IYD: variants seen among roughly 807,000 people sequenced by gnomAD.
The protein encoded by IYD is iodotyrosine deiodinase 1.
Under a neutral mutation model 28.4 loss-of-function variants are expected in IYD, and 25 were observed. The ratio of observed to expected loss-of-function variants is 0.88; its 90% CI spans 0.64 to 1.23. IYD has a LOEUF of 1.23. Among genes scored for constraint, IYD ranks in the 50% most tolerant of loss-of-function variants. The pLI, the probability that IYD is intolerant of heterozygous loss-of-function variation, is 0.00. For missense variants in IYD, 352 were observed against 357.9 expected (o/e 0.98, Z 0.13); for synonymous variants, 140 against 130.8 (o/e 1.07, Z -0.48).
In IYD at chr6:150,389,532, T is replaced by A; in HGVS notation, c.359T>A (p.Ile120Asn). The A allele has an allele frequency of 6.2e-7, 1 of 1,614,020 alleles. No homozygotes were observed. Among genetic ancestry groups the A allele is most frequent in the South Asian group, 1.1e-5 (1 of 91,070 alleles). The change falls in exon 2 of 5, where the codon ATC (isoleucine) becomes AAC (asparagine). Residue 120 changes from isoleucine to asparagine, a missense_variant. Ile to Asn is a moderately radical substitution (Grantham distance 149). Transcript: ENST00000344419. ...CCAATGGAAGTCATTGATAATGTCA[T>A]CAGAACGGCAGGTTTGTAATTGCAG... ...QVPMEVIDNV[I>N]RTAGTAPSGA...
At chr6:150,389,240 T>C (rs530589266) in intron 1 of IYD, 112 bp from the exon 2 acceptor site, 37 of 736,600 alleles carry the variant, frequency 5.0e-5, no homozygotes, top group South Asian at 4.7e-4. Flanking sequence ...TTTATAGTAT[T>C]TTTTTGAGTT....
chr6:150,382,104 G>A (rs1777666572), intron 1 of IYD, among the ~76,000 whole-genome samples: 1 of 152,128 alleles, frequency 6.6e-6, no homozygotes, highest in Non-Finnish European at 1.5e-5. Flanking sequence ...TTGCAGGAAT[G>A]GCCTCTGCTG....
chr6:150,381,606 TC>T (rs1777650562), intron 1 of IYD, among the ~76,000 whole-genome samples: 1 of 152,232 alleles, frequency 6.6e-6, no homozygotes, highest in Non-Finnish European at 1.5e-5. Flanking sequence ...CATATGTCCT[TC>T]CCCAGTCACA....
intron 1 of IYD, among the ~76,000 whole-genome samples, chr6:150,382,757 GTTTAA>G (rs936735959): frequency 7.2e-5 from 11 of 152,130 alleles, no homozygotes. Context: ...TTAATTGAAT[GTTTAA>G]TTTAGTTTGT....
chr6:150,396,645 C>T (rs1274578475), intron 4 of IYD: 8 of 436,350 alleles, frequency 1.8e-5, no homozygotes, highest in South Asian at 6.9e-5. Flanking sequence ...GAGGCCAAGG[C>T]GGGCGGATCA....
At chr6:150,371,962 A>G (rs1330838243) in intron 1 of IYD, among the ~76,000 whole-genome samples, 4 of 152,210 alleles carry the variant, frequency 2.6e-5, no homozygotes, top group Non-Finnish European at 5.9e-5. Flanking sequence ...GTGGTTGGAC[A>G]TGATCTACGT....
At chr6:150,398,003 G>A in intron 4 of IYD, 52 bp from the exon 5 acceptor site, 1 of 1,540,638 alleles carries the variant, frequency 6.5e-7, no homozygotes, top group Non-Finnish European at 9.0e-7. Context: ...TAGAGGGAGA[G>A]CAGTCATTCT....
At chr6:150,386,165 G>T (rs1424614333) in intron 1 of IYD, among the ~76,000 whole-genome samples, 1 of 151,284 alleles carries the variant, frequency 6.6e-6, no homozygotes, top group Admixed American at 6.6e-5. Flanking sequence ...GTTTTATTTG[G>T]GTATTTTTTC....
At position 150,400,165 on chromosome 6, in the gene IYD, G is replaced by T. The variant is rs937469171; in HGVS notation, c.*1928G>T. ...CTCAGGGGCAGCTGCAGGGCCAGAT[G>T]GAGTTGGCCTGCAGGGAGTCAGCCT... is the stretch of plus-strand genomic sequence containing the variant. On this transcript the variant is annotated 3_prime_UTR_variant, in exon 5 of 5. Transcript: ENST00000344419. 2.6e-5 allele frequency: 4 copies of T among 152,164 alleles called. No homozygotes were observed. The highest frequency in any genetic ancestry group is 4.4e-5 in the Non-Finnish European group (3 of 68,042). 9.4% of individuals were successfully genotyped at this position (152,164 alleles called of 1,614,324 possible). A position where few individuals can be genotyped will look rare whatever the true frequency, so the allele number is the denominator to read the frequency against.
rs376409306 is a variant in IYD at position 150,398,130 on chromosome 6, G to A, written c.763G>A (p.Ala255Thr). The change falls in exon 5 of 5, where the codon GCA becomes ACA. Residue 255 changes from alanine (A) to threonine (T), a missense_variant. Coordinates refer to ENST00000344419, the MANE Select transcript of IYD (RefSeq NM_203395.3). ...ACTGAGGGTGCTCCTGGGCCGCCCC[G>A]CACATGAAAAGCTGCTGATGCTGCT... is the stretch of plus-strand genomic sequence containing the variant. ...PRLRVLLGRP[A>T]HEKLLMLLPV... is the part of the protein sequence containing the mutation. 4.7e-5 allele frequency: 76 copies of A among 1,614,140 alleles called. 1 individual carries two copies. Among genetic ancestry groups the A allele is most frequent in the South Asian group, 4.2e-4 (38 of 91,078 alleles).
intron 2 of IYD, among the ~76,000 whole-genome samples, chr6:150,392,035 A>T (rs1157682058): frequency 7.3e-6 from 1 of 136,892 alleles, no homozygotes; most frequent in African/African-American, 3.0e-5. Flanking sequence ...GTTTATCCTT[A>T]AAAAAAAAAA....
intron 1 of IYD, among the ~76,000 whole-genome samples, chr6:150,379,883 G>T (rs1202683047): frequency 1.3e-5 from 2 of 152,114 alleles, no homozygotes; most frequent in Non-Finnish European, 2.9e-5. Context: ...TATAAAGAAG[G>T]GTGTATAAGC....
At chr6:150,394,316 AATTCAGGGAC>A in intron 4 of IYD, 61 bp downstream of exon 4, 1 of 1,586,964 alleles carries the variant, frequency 6.3e-7, no homozygotes, top group Non-Finnish European at 8.7e-7. Flanking sequence ...CTGAGTTTTC[AATTCAGGGAC>A]ATTTGGAAAT....
rs1778624190 is a variant in IYD, at chr6:150,405,784, G to C, written c.*7547G>C. On this transcript the variant is annotated 3_prime_UTR_variant, in exon 5 of 5. Coordinates refer to ENST00000344419, the MANE Select transcript of IYD (RefSeq NM_203395.3). ...CAATGCAAGATGAGATTTGGGTGAAGACATAGCCAAACCATATCATCATCT... is the reference window on the plus strand; with the variant it reads ...CAATGCAAGATGAGATTTGGGTGAACACATAGCCAAACCATATCATCATCT... 6.6e-6 allele frequency: 1 copy of C among 152,204 alleles called. No homozygotes were observed. The highest frequency in any genetic ancestry group is 6.5e-5 in the Admixed American group (1 of 15,286). 9.4% of individuals were successfully genotyped at this position (152,204 alleles called of 1,614,324 possible). A position where few individuals can be genotyped will look rare whatever the true frequency, so the allele number is the denominator to read the frequency against.
In IYD at chr6:150,396,829, C is replaced by G. The variant is rs953589527; in HGVS notation, c.688-1226C>G. ...GCGGAGCTTGCAGTGAGCGGAGATC[C>G]CGCCACTGCACTCCAGCCTGGGCGA... On this transcript the variant is annotated intron_variant, in intron 4 of 4. Coordinates refer to ENST00000344419, the MANE Select transcript of IYD (RefSeq NM_203395.3). 1.9e-4 allele frequency: 32 copies of G among 165,204 alleles called. No homozygotes were observed. The East Asian group carries it at 3.4e-3, about 17-fold the overall frequency. 10.2% of individuals were successfully genotyped at this position (165,204 alleles called of 1,614,324 possible). A position where few individuals can be genotyped will look rare whatever the true frequency, so the allele number is the denominator to read the frequency against.
intron 1 of IYD, chr6:150,370,124 G>GC: frequency 2.9e-6 from 2 of 686,576 alleles, no homozygotes; most frequent in Non-Finnish European, 5.3e-6. Flanking sequence ...GGCTAATGAT[G>GC]CCCCCATCCC....
intron 1 of IYD, among the ~76,000 whole-genome samples, chr6:150,381,260 A>C (rs1582779742): frequency 6.6e-6 from 1 of 152,358 alleles, no homozygotes; most frequent in South Asian, 2.1e-4. Flanking sequence ...ACATGGCAAG[A>C]AATTCATCTC....
In IYD at chr6:150,382,928, T is replaced by C. The variant is rs149992652; in HGVS notation, c.179-6424T>C. 4.5e-3 allele frequency among the ~76,000 whole-genome samples: 692 copies of C among 152,352 alleles called. 1 individual carries two copies. The highest frequency in any genetic ancestry group is 7.0e-3 in the Non-Finnish European group (474 of 68,024). On this transcript the variant is annotated intron_variant, in intron 1 of 4. Coordinates refer to ENST00000344419, the MANE Select transcript of IYD (RefSeq NM_203395.3). ...ATAACTCCAGTATCATAAGTCATTG[T>C]TGGTCTGTTTCTGATGCCCATAGTT...
At chr6:150,381,438 G>A (rs1318589382) in intron 1 of IYD, among the ~76,000 whole-genome samples, 1 of 152,026 alleles carries the variant, frequency 6.6e-6, no homozygotes, top group Non-Finnish European at 1.5e-5. Flanking sequence ...AATCTCTATG[G>A]CCTTCTTCTC....
Sources: allele counts gnomAD v4.1 joint callset (sites outside exome capture counted in the v4.1 genomes callset), GRCh38; gene constraint gnomAD v4.1.1; transcripts MANE v1.5; gene names NCBI Gene and HGNC (gene_info 2026-07-23, HGNC 2026-07-21).